The following RBFOX1 variants were observed in gnomAD, a reference collection of about 807,000 sequenced individuals.
The protein encoded by RBFOX1 is RNA binding protein fox-1 homolog 1.
In RBFOX1, 8 loss-of-function variants were observed where a neutral mutation model predicts 57.7. The observed-to-expected ratio is 0.14, with a 90% CI of 0.08 to 0.25. RBFOX1 has a LOEUF of 0.25. RBFOX1 is among the 10% of genes least tolerant of loss of function. The pLI is 1.00. For missense variants in RBFOX1, 611 were observed against 548.5 expected, an observed-to-expected ratio of 1.11 and a Z score of -1.14; for synonymous variants, 326 against 222.4, an observed-to-expected ratio of 1.47 and a Z score of -4.15.
intron 4 of RBFOX1, among the ~76,000 whole-genome samples, chr16:7,235,702 A>C (rs987624657): frequency 6.6e-6 from 1 of 152,082 alleles, no homozygotes; most frequent in African/African-American, 2.4e-5. Flanking sequence ...GGTTGGAGAG[A>C]AGTTGTCTCT....
At chr16:5,575,614 C>G (rs1446112538) in intron 2 of RBFOX1, among the ~76,000 whole-genome samples, 1 of 152,210 alleles carries the variant, frequency 6.6e-6, no homozygotes, top group East Asian at 1.9e-4. Context: ...CTACCTGTCT[C>G]CGAAGCAAAG....
chr16:6,836,525 G>T (rs1174115646), intron 3 of RBFOX1, among the ~76,000 whole-genome samples: 3 of 152,112 alleles, frequency 2.0e-5, no homozygotes, highest in Non-Finnish European at 2.9e-5. Context: ...TTAGCCTTAG[G>T]GTATGACCAC....
At chr16:5,737,826 A>C (rs964717191) in intron 3 of RBFOX1, among the ~76,000 whole-genome samples, 1 of 152,086 alleles carries the variant, frequency 6.6e-6, no homozygotes, top group Non-Finnish European at 1.5e-5. Context: ...GGTTTTAAAA[A>C]TTTGTTTCTT....
At chr16:5,545,675 A>G (rs1324549579) in intron 2 of RBFOX1, among the ~76,000 whole-genome samples, 1 of 152,158 alleles carries the variant, frequency 6.6e-6, no homozygotes, top group African/African-American at 2.4e-5. Context: ...AAAACCCCTC[A>G]TCAAGTAGGA....
chr16:6,295,159 C>G (rs1271612227), intron 1 of RBFOX1, among the ~76,000 whole-genome samples: 5 of 146,920 alleles, frequency 3.4e-5, no homozygotes, highest in Non-Finnish European at 7.4e-5. Flanking sequence ...GAGTCTCTCT[C>G]CATCGCCAGG....
intron 1 of RBFOX1, among the ~76,000 whole-genome samples, chr16:5,257,020 TACAC>T (rs1303458243): frequency 6.6e-6 from 1 of 152,128 alleles, no homozygotes; most frequent in Non-Finnish European, 1.5e-5. Context: ...TGTTGGATTT[TACAC>T]ACAGGGAAAT....
chr16:7,692,281 T>A (rs2077514494), intron 14 of RBFOX1, among the ~76,000 whole-genome samples: 2 of 152,202 alleles, frequency 1.3e-5, no homozygotes, highest in Non-Finnish European at 2.9e-5. Context: ...ATGACTAGAA[T>A]TTAACTGAAT....
At chr16:6,589,380 C>G (rs1201623107) in intron 2 of RBFOX1, among the ~76,000 whole-genome samples, 1 of 152,138 alleles carries the variant, frequency 6.6e-6, no homozygotes, top group African/African-American at 2.4e-5. Context: ...AACCCAGGAA[C>G]TGGGGTTTTT....
intron 3 of RBFOX1, among the ~76,000 whole-genome samples, chr16:6,931,335 A>C (rs11077112): frequency 0.033 from 3,501 of 105,512 alleles, 120 homozygotes; most frequent in African/African-American, 0.11. Flanking sequence ...CTATCTATCT[A>C]TCTCTACACA....
chr16:7,368,413 T>C (rs2097503711), intron 4 of RBFOX1, among the ~76,000 whole-genome samples: 1 of 152,124 alleles, frequency 6.6e-6, no homozygotes, highest in African/African-American at 2.4e-5. Context: ...ACCAGCATCA[T>C]TCATGGAGTC....
At chr16:6,020,777 A>G (rs1323377671) in intron 1 of RBFOX1, among the ~76,000 whole-genome samples, 1 of 151,862 alleles carries the variant, frequency 6.6e-6, no homozygotes, top group Non-Finnish European at 1.5e-5. Context: ...CGCCGCTCCC[A>G]TCTCCCCACC....
chr16:5,716,026 A>G lies in RBFOX1; in HGVS notation c.318+117065A>G, dbSNP rs147220557. Among the ~76,000 whole-genome samples the G allele has an allele frequency of 7.9e-3, 1,202 of 152,344 alleles. 23 individuals are homozygous for G. Among genetic ancestry groups the G allele is most frequent in the African/African-American group, 0.028 (1,153 of 41,576 alleles). Reference sequence around the variant, plus strand: ...AAAAAACTCATGAAGTGGGCAAGGCAGGAATAAGGATAATATTTTAAAATC... The same window carrying G: ...AAAAAACTCATGAAGTGGGCAAGGCGGGAATAAGGATAATATTTTAAAATC... On this transcript the variant is annotated intron_variant, in intron 3 of 19. Transcript: ENST00000641259.
chr16:6,900,359 C>G (rs1418294339), intron 3 of RBFOX1, among the ~76,000 whole-genome samples: 1 of 152,218 alleles, frequency 6.6e-6, no homozygotes, highest in African/African-American at 2.4e-5. Context: ...CTTTAGGGAT[C>G]CTTCTGTAAC....
rs191016584 is a variant in RBFOX1, at chr16:7,709,142, G to A, written c.1071+11G>A. The A allele has an allele frequency of 3.7e-5, 60 of 1,604,280 alleles. No individual in the cohort carries two copies. Among genetic ancestry groups the A allele is most frequent in the Middle Eastern group, 1.6e-4 (1 of 6,066 alleles). Reference sequence around the variant, plus strand: ...GGCGTTGGTGCCATGGTGAGTACAAGTTTCTCCTTGTCCTCACTTCCTCCT... The same window carrying A: ...GGCGTTGGTGCCATGGTGAGTACAAATTTCTCCTTGTCCTCACTTCCTCCT... On this transcript the variant is annotated intron_variant, in intron 15 of 15. Transcript: ENST00000550418.
intron 4 of RBFOX1, among the ~76,000 whole-genome samples, chr16:7,393,757 G>A (rs1439133568): frequency 6.6e-6 from 1 of 152,174 alleles, no homozygotes; most frequent in African/African-American, 2.4e-5. Context: ...CCAGGAAGGG[G>A]TGGTAGCCGC....
At position 5,978,382 on chromosome 16, in the gene RBFOX1, C is replaced by T. The variant is rs185749911; in HGVS notation, c.351+111047C>T. 1.5e-3 allele frequency among the ~76,000 whole-genome samples: 234 copies of T among 152,084 alleles called. 1 individual carries two copies. The highest frequency in any genetic ancestry group is 3.0e-3 in the Non-Finnish European group (206 of 67,976). ...GTATTTGGGGATAATTTTGGATTTG[C>T]AGAAATGTTTCCAAGTTAGCACAGA... On this transcript the variant is annotated intron_variant, in intron 4 of 19. Coordinates refer to the RBFOX1 transcript ENST00000641259.
rs574752294 is a variant in RBFOX1, at chr16:7,667,631, G to A, written c.930+2663G>A. Among the ~76,000 whole-genome samples the A allele has an allele frequency of 4.6e-5, 7 of 152,220 alleles. No homozygotes were observed. In the Middle Eastern group the frequency reaches 0.01, roughly 222 times the overall value. On this transcript the variant is annotated intron_variant, in intron 13 of 15. Coordinates refer to ENST00000550418, the MANE Select transcript of RBFOX1 (RefSeq NM_018723.4). Reference sequence around the variant, plus strand: ...GTTTAGGGCAATTGTCAGCGGCCCCGGGATATATGTTAGACACATCAGATA... The same window carrying A: ...GTTTAGGGCAATTGTCAGCGGCCCCAGGATATATGTTAGACACATCAGATA...
At chr16:6,914,330 G>C (rs368460033) in intron 3 of RBFOX1, among the ~76,000 whole-genome samples, 4 of 152,092 alleles carry the variant, frequency 2.6e-5, no homozygotes, top group African/African-American at 9.7e-5. Context: ...TATCTAGTCC[G>C]GGGTGTCTGG....
chr16:7,275,336 C>T (rs1028729016), intron 4 of RBFOX1, among the ~76,000 whole-genome samples: 11 of 152,154 alleles, frequency 7.2e-5, no homozygotes, highest in Non-Finnish European at 1.2e-4. Flanking sequence ...TAATAGGTTA[C>T]CCTCTGCTTA....
Sources: gnomAD v4.1 joint callset for allele counts (sites outside exome capture counted in the v4.1 genomes callset) on GRCh38, gnomAD v4.1.1 for gene constraint, MANE v1.5 for transcripts, NCBI Gene and HGNC (gene_info 2026-07-23, HGNC 2026-07-21) for gene names.